The following PPP1R12B variants were observed in gnomAD, a reference collection of about 807,000 sequenced individuals.
The protein encoded by PPP1R12B is protein phosphatase 1 regulatory subunit 12B, also known as myosin phosphatase target subunit 2.
A neutral mutation model predicts 126.1 loss-of-function variants in PPP1R12B; 76 were observed. The observed-to-expected ratio is 0.60, with a 90% CI of 0.50 to 0.73. The LOEUF (loss-of-function observed/expected upper bound fraction) is 0.73, where lower values mean the gene tolerates loss of function less well. Ranked by LOEUF, PPP1R12B falls within the 30% of genes least tolerant of loss-of-function variation. The pLI, the probability that PPP1R12B is intolerant of heterozygous loss-of-function variation, is 0.00. For missense variants in PPP1R12B, 1,052 were observed against 1,205.1 expected (o/e 0.87, Z 1.88); for synonymous variants, 356 against 434.7 (o/e 0.82, Z 2.25).
At chr1:202,544,302 A>C (rs901900837) in intron 18 of PPP1R12B, among the ~76,000 whole-genome samples, 4 of 152,162 alleles carry the variant, frequency 2.6e-5, no homozygotes, top group African/African-American at 9.7e-5. Context: ...TTTAATTACT[A>C]TGTATATTAT....
intron 1 of PPP1R12B, among the ~76,000 whole-genome samples, chr1:202,355,356 CAG>C (rs1656884266): frequency 6.6e-6 from 1 of 152,074 alleles, no homozygotes; most frequent in Non-Finnish European, 1.5e-5. Context: ...GGTTTGGAAA[CAG>C]ATAAATAAAA....
At position 202,416,505 on chromosome 1, in the gene PPP1R12B, A is replaced by G. The variant is rs556194588; in HGVS notation, c.292-282A>G. 1.9e-4 allele frequency among the ~76,000 whole-genome samples: 29 copies of G among 148,996 alleles called. No homozygotes were observed. The Admixed American group carries it at 2.0e-3, about 10-fold the overall frequency. On this transcript the variant is annotated intron_variant, in intron 1 of 23. Coordinates refer to ENST00000608999, the MANE Select transcript of PPP1R12B (RefSeq NM_002481.4). Reference sequence around the variant, plus strand: ...CATGCCATTGCACTCCAGCCTGGGCAAAAAGAGTGAAACTCTGTCTAAAAA... The same window carrying G: ...CATGCCATTGCACTCCAGCCTGGGCGAAAAGAGTGAAACTCTGTCTAAAAA...
chr1:202,391,073 A>G (rs1664076608), intron 1 of PPP1R12B, among the ~76,000 whole-genome samples: 1 of 152,184 alleles, frequency 6.6e-6, no homozygotes, highest in Non-Finnish European at 1.5e-5. Context: ...CCAAAAAAAG[A>G]AAGTGATAAG....
chr1:202,432,403 G>A (rs867844018), intron 8 of PPP1R12B, among the ~76,000 whole-genome samples: 2 of 152,032 alleles, frequency 1.3e-5, no homozygotes, highest in African/African-American at 4.8e-5. Context: ...CAGTAGCTGG[G>A]ACTACAGGTG....
rs911632666 is a variant in PPP1R12B at position 202,591,888 on chromosome 1, G to A, written c.*11328G>A. ...CACTGCTGTCTGCTCCTCGCCCAGC[G>A]TAGAGATGGAGCTGAACTGTGAACC... On this transcript the variant is annotated 3_prime_UTR_variant, in exon 24 of 24. Transcript: ENST00000608999. The A allele has an allele frequency of 7.9e-5, 12 of 152,782 alleles. No homozygotes were observed. The highest frequency in any genetic ancestry group is 1.3e-4 in the Non-Finnish European group (9 of 68,138). The allele number at this position is 152,782 out of a possible 1,614,324, so 9.5% of individuals were successfully genotyped here. A position where few individuals can be genotyped will look rare whatever the true frequency, so the allele number is the denominator to read the frequency against.
At chr1:202,525,067 C>T (rs986972038) in intron 18 of PPP1R12B, among the ~76,000 whole-genome samples, 1 of 151,958 alleles carries the variant, frequency 6.6e-6, no homozygotes, top group African/African-American at 2.4e-5. Flanking sequence ...TTAGTGGAGT[C>T]GGGGTTTCAC....
At chr1:202,361,141 C>T (rs1658127886) in intron 1 of PPP1R12B, among the ~76,000 whole-genome samples, 1 of 152,168 alleles carries the variant, frequency 6.6e-6, no homozygotes, top group African/African-American at 2.4e-5. Flanking sequence ...GATCCGCCCG[C>T]CTCGGCCTCC....
At position 202,431,552 on chromosome 1, in the gene PPP1R12B, T is replaced by G. The variant is rs1256786681; in HGVS notation, c.1074T>G (p.Ser358Arg). The G allele has an allele frequency of 6.2e-7, 1 of 1,613,484 alleles. No individual in the cohort carries two copies. The highest frequency in any genetic ancestry group is 1.7e-5 in the Admixed American group (1 of 59,942). Residue 358 changes from serine (S) to arginine (R), a missense_variant, in exon 8 of 24, where the codon AGT (serine) becomes AGG (arginine). By Grantham distance (110) the Ser-to-Arg change is moderately radical. Transcript: ENST00000608999. ...QEMEEENKES[S>R]SSSSEEEEGE... The stretch of plus-strand genomic sequence containing the variant: ...TGGAGGAAGAAAATAAAGAATCTAG[T>G]AGCTCCAGCTCAGAGGAGGAGGAAG...
At chr1:202,391,178 TTAA>T (rs1362360729) in intron 1 of PPP1R12B, among the ~76,000 whole-genome samples, 19 of 150,722 alleles carry the variant, frequency 1.3e-4, no homozygotes, top group South Asian at 6.2e-4. Context: ...AATAAATAAC[TTAA>T]TAATAAGAAA....
rs1418805296 is a variant in PPP1R12B at position 202,584,713 on chromosome 1, G to T, written c.*4153G>T. 1 of 152,222 alleles carries T rather than the reference G, an allele frequency of 6.6e-6. No individual in the cohort carries two copies. Among genetic ancestry groups the T allele is most frequent in the Non-Finnish European group, 1.5e-5 (1 of 68,048 alleles). 9.4% of individuals were successfully genotyped at this position (152,222 alleles called of 1,614,324 possible). On this transcript the variant is annotated 3_prime_UTR_variant, in exon 24 of 24. Coordinates refer to ENST00000608999, the MANE Select transcript of PPP1R12B (RefSeq NM_002481.4). ...AGAGAACTATTTAAAAGTGTTGCCAGTTATTCAGCTTCCAGGCGGCTTTGC... is the reference window on the plus strand; with the variant it reads ...AGAGAACTATTTAAAAGTGTTGCCATTTATTCAGCTTCCAGGCGGCTTTGC...
At chr1:202,488,733 A>AC in intron 14 of PPP1R12B, 110 bp downstream of exon 14, 1 of 979,522 alleles carries the variant, frequency 1.0e-6, no homozygotes, top group Non-Finnish European at 1.5e-6. Flanking sequence ...AAACACACAC[A>AC]CACACACACG....
Position 202,348,699 on chromosome 1 carries a change from G to A in PPP1R12B, c.-153G>A. On this transcript the variant is annotated 5_prime_UTR_variant, in exon 1 of 24. Coordinates refer to ENST00000608999, the MANE Select transcript of PPP1R12B (RefSeq NM_002481.4). ...ATTGAAGCCGAGGGAGCGTGCGGGC[G>A]GTACTACTGGCGGGAGGAGTAAAGA... The A allele has an allele frequency of 2.1e-6, 2 of 932,394 alleles. No individual in the cohort carries two copies. The highest frequency in any genetic ancestry group is 3.5e-4 in the Middle Eastern group (1 of 2,882). The allele number at this position is 932,394 out of a possible 1,614,324, so 57.8% of individuals were successfully genotyped here.
At chr1:202,402,680 G>A (rs140723293) in intron 1 of PPP1R12B, among the ~76,000 whole-genome samples, 38 of 152,234 alleles carry the variant, frequency 2.5e-4, no homozygotes, top group Non-Finnish European at 4.7e-4. Flanking sequence ...CCTTGGCCTC[G>A]GACAGTGCTG....
At chr1:202,497,943 A>T (rs1679767960) in intron 18 of PPP1R12B, among the ~76,000 whole-genome samples, 2 of 152,184 alleles carry the variant, frequency 1.3e-5, no homozygotes, top group South Asian at 4.1e-4. Flanking sequence ...AGGAAATATA[A>T]CTCAGAGGAT....
At chr1:202,430,461 C>T (rs1571976526) in intron 6 of PPP1R12B, among the ~76,000 whole-genome samples, 1 of 149,936 alleles carries the variant, frequency 6.7e-6, no homozygotes, top group East Asian at 1.9e-4. Context: ...AGAATCTAGA[C>T]TTTTTTTTTT....
intron 14 of PPP1R12B, among the ~76,000 whole-genome samples, chr1:202,491,596 T>A (rs1394496024): frequency 6.6e-6 from 1 of 152,188 alleles, no homozygotes; most frequent in Non-Finnish European, 1.5e-5. Context: ...TAGGGAAAGA[T>A]AAATTGCTCT....
rs1034380395 is a variant in PPP1R12B, at chr1:202,588,865, A to G, written c.*8305A>G. On this transcript the variant is annotated 3_prime_UTR_variant, in exon 24 of 24. Coordinates refer to ENST00000608999, the MANE Select transcript of PPP1R12B (RefSeq NM_002481.4). Reference sequence around the variant, plus strand: ...TAGATAGATAGATAGATAGATAGATAGATAGATATCAAGGTTCCAAGCTTC... The same window carrying G: ...TAGATAGATAGATAGATAGATAGATGGATAGATATCAAGGTTCCAAGCTTC... 2 of 145,938 alleles carry G rather than the reference A, an allele frequency of 1.4e-5. No individual in the cohort carries two copies. Among genetic ancestry groups the G allele is most frequent in the Non-Finnish European group, 3.0e-5 (2 of 67,664 alleles). 9.0% of individuals were successfully genotyped at this position (145,938 alleles called of 1,614,324 possible).
Position 202,592,495 on chromosome 1 carries a change from G to A in PPP1R12B, c.*11935G>A, listed in dbSNP as rs886636074. The stretch of plus-strand genomic sequence containing the variant: ...ATGGGTTTGAGGTTGGGGATCAAGG[G>A]GACTCTCAGCATTGCCATGCGGCTA... On this transcript the variant is annotated 3_prime_UTR_variant, in exon 24 of 24. Coordinates refer to ENST00000608999, the MANE Select transcript of PPP1R12B (RefSeq NM_002481.4). 3.9e-5 allele frequency: 6 copies of A among 152,190 alleles called. No homozygotes were observed. Among genetic ancestry groups the A allele is most frequent in the South Asian group, 2.1e-4 (1 of 4,822 alleles). The allele number at this position is 152,190 out of a possible 1,614,324, so 9.4% of individuals were successfully genotyped here. A position where few individuals can be genotyped will look rare whatever the true frequency, so the allele number is the denominator to read the frequency against.
chr1:202,488,464 A>T, intron 13 of PPP1R12B, 69 bp from the exon 14 acceptor site: 1 of 1,206,078 alleles, frequency 8.3e-7, no homozygotes, highest in East Asian at 2.5e-5. Flanking sequence ...ATATGTGGAA[A>T]CACTTTGTCA....
Sources: gnomAD v4.1 joint callset for allele counts (sites outside exome capture counted in the v4.1 genomes callset) on GRCh38, gnomAD v4.1.1 for gene constraint, MANE v1.5 for transcripts, NCBI Gene and HGNC (gene_info 2026-07-23, HGNC 2026-07-21) for gene names.